The following PHF24 variants were observed in gnomAD, a reference collection of about 807,000 sequenced individuals.
PHF24 encodes Galpha inhibitory interacting protein.
Under a neutral mutation model 42.6 loss-of-function variants are expected in PHF24, and 25 were observed. That is an observed-to-expected ratio of 0.59 (90% CI 0.43 to 0.82). The LOEUF is 0.82. Ranked by LOEUF, PHF24 falls within the 40% of genes least tolerant of loss-of-function variation. PHF24 has a pLI of 0.00. For synonymous variants in PHF24, 185 were observed against 204.8 expected (o/e 0.90, Z 0.83); for missense variants, 470 against 538.1 (o/e 0.87, Z 1.25).
the PHF24 span, among the ~76,000 whole-genome samples, chr9:34,788,674 G>A: frequency 5.3e-4 from 80 of 152,240 alleles, no homozygotes; most frequent in Non-Finnish European, 8.1e-4. Context: ...ATAGTTTAGC[G>A]GTGTGCTCCC....
At chr9:34,929,638 A>G in the PHF24 span, among the ~76,000 whole-genome samples, 1 of 152,232 alleles carries the variant, frequency 6.6e-6, no homozygotes, top group African/African-American at 2.4e-5. Context: ...CAGGTAATCA[A>G]ATATCGTTAA....
exon 8 of PHF24, chr9:34,981,380 G>T (rs1187948292): frequency 6.6e-6 from 1 of 152,258 alleles, no homozygotes; most frequent in Admixed American, 6.5e-5. Context: ...GAGCCCCAAG[G>T]TTATACCCAG....
the PHF24 span, among the ~76,000 whole-genome samples, chr9:34,811,030 A>G: frequency 6.6e-6 from 1 of 152,202 alleles, no homozygotes; most frequent in African/African-American, 2.4e-5. Context: ...AAGGATGTAT[A>G]GGGTTGTTGA....
chr9:34,836,354 C>A, the PHF24 span, among the ~76,000 whole-genome samples: 1 of 152,130 alleles, frequency 6.6e-6, no homozygotes, highest in African/African-American at 2.4e-5. Context: ...GAGAAAGGAA[C>A]CAAGCATGTG....
the PHF24 span, among the ~76,000 whole-genome samples, chr9:34,829,343 T>C: frequency 2.0e-5 from 3 of 152,108 alleles, no homozygotes; most frequent in African/African-American, 7.2e-5. Context: ...TTGAGATGAA[T>C]ATTTGATATC....
the PHF24 span, among the ~76,000 whole-genome samples, chr9:34,776,061 A>G: frequency 6.6e-6 from 1 of 152,222 alleles, no homozygotes; most frequent in Non-Finnish European, 1.5e-5. Flanking sequence ...GAGATAGAAA[A>G]TAGATTAGTG....
At chr9:34,889,102 C>T in the PHF24 span, 2 of 398,476 alleles carry the variant, frequency 5.0e-6, no homozygotes, top group African/African-American at 4.1e-5. Context: ...GGAGAATGCC[C>T]TGCTTCACCT....
At chr9:34,690,424 C>CTGTGTGTGTG in the PHF24 span, 5,987 of 607,134 alleles carry the variant, frequency 9.9e-3, 48 homozygotes, top group South Asian at 0.014. Flanking sequence ...TTGAGGACAC[C>CTGTGTGTGTG]TGTGTGTGTG....
the PHF24 span, among the ~76,000 whole-genome samples, chr9:34,692,453 A>G: frequency 6.6e-6 from 1 of 152,264 alleles, no homozygotes; most frequent in East Asian, 1.9e-4. Flanking sequence ...GTACTGGAGC[A>G]TGATTTGGAC....
At chr9:34,791,231 G>A in the PHF24 span, among the ~76,000 whole-genome samples, 4 of 152,136 alleles carry the variant, frequency 2.6e-5, no homozygotes, top group South Asian at 4.1e-4. Flanking sequence ...CAAGATAGTC[G>A]GCAAGAAGTG....
At chr9:34,709,552 TG>T in the PHF24 span, 1 of 1,614,178 alleles carries the variant, frequency 6.2e-7, no homozygotes, top group Non-Finnish European at 8.5e-7. Flanking sequence ...GAGGCCCCCC[TG>T]TCCTTCCTGC....
At chr9:34,921,353 T>TATC in the PHF24 span, among the ~76,000 whole-genome samples, 721 of 151,174 alleles carry the variant, frequency 4.8e-3, 7 homozygotes, top group African/African-American at 0.017. Context: ...GTTAGGCAAG[T>TATC]ATCAAAAAAA....
At chr9:34,769,372 C>T in the PHF24 span, among the ~76,000 whole-genome samples, 85 of 152,336 alleles carry the variant, frequency 5.6e-4, no homozygotes, top group Middle Eastern at 3.4e-3. Flanking sequence ...CCGCCTGCCT[C>T]GGCCTCCCAA....
the PHF24 span, among the ~76,000 whole-genome samples, chr9:34,887,320 C>T: frequency 6.6e-6 from 1 of 152,144 alleles, no homozygotes; most frequent in Non-Finnish European, 1.5e-5. Flanking sequence ...CTAAGTGATC[C>T]TTTAAGACAT....
At chr9:34,944,482 G>A in the PHF24 span, among the ~76,000 whole-genome samples, 2 of 152,226 alleles carry the variant, frequency 1.3e-5, no homozygotes, top group African/African-American at 4.8e-5. Context: ...CCCTGAGAGG[G>A]CCAGCTGTTG....
At chr9:34,940,982 A>G in the PHF24 span, among the ~76,000 whole-genome samples, 1 of 152,098 alleles carries the variant, frequency 6.6e-6, no homozygotes, top group Non-Finnish European at 1.5e-5. Flanking sequence ...TCTTGACTGT[A>G]TCTTTTGGCA....
chr9:34,871,929 A>G, the PHF24 span, among the ~76,000 whole-genome samples: 2 of 152,160 alleles, frequency 1.3e-5, no homozygotes, highest in African/African-American at 4.8e-5. Context: ...AGCTGCTGGA[A>G]TTTTTATTGG....
chr9:34,916,116 C>G, the PHF24 span, among the ~76,000 whole-genome samples: 1 of 152,320 alleles, frequency 6.6e-6, no homozygotes, highest in Non-Finnish European at 1.5e-5. Flanking sequence ...TCAATTAAAC[C>G]TCTTTATAAA....
the PHF24 span, among the ~76,000 whole-genome samples, chr9:34,804,758 A>G: frequency 1.3e-5 from 2 of 152,168 alleles, no homozygotes; most frequent in African/African-American, 2.4e-5. Flanking sequence ...CACCCACATA[A>G]AGTAGACAAT....
Sources: gnomAD v4.1 joint callset for allele counts (sites outside exome capture counted in the v4.1 genomes callset) on GRCh38, gnomAD v4.1.1 for gene constraint, MANE v1.5 for transcripts, NCBI Gene and HGNC (gene_info 2026-07-23, HGNC 2026-07-21) for gene names.